Variants in PIP5K1C observed in about 807,000 individuals in gnomAD.
The protein encoded by PIP5K1C is phosphatidylinositol-4-phosphate 5-kinase type 1 gamma.
A neutral mutation model predicts 80.1 loss-of-function variants in PIP5K1C; 45 were observed. That is an observed-to-expected ratio of 0.56 (90% CI 0.44 to 0.72). The LOEUF (loss-of-function observed/expected upper bound fraction) is 0.72. Among genes scored for constraint, PIP5K1C ranks in the 30% least tolerant of loss-of-function variants. The pLI, the probability that PIP5K1C is intolerant of heterozygous loss-of-function variation, is 0.00. For synonymous variants in PIP5K1C, 498 were observed against 420.1 expected (o/e 1.19, Z -2.27); for missense variants, 753 against 954.6 (o/e 0.79, Z 2.78).
intron 1 of PIP5K1C, among the ~76,000 whole-genome samples, chr19:3,683,964 G>A (rs1213248812): frequency 7.2e-6 from 1 of 139,594 alleles, no homozygotes; most frequent in Non-Finnish European, 1.5e-5. Context: ...CCTCTCCCGG[G>A]CAGTCCCACA....
intron 15 of PIP5K1C, 91 bp from the exon 16 acceptor site, chr19:3,639,107 T>TA: frequency 6.9e-7 from 1 of 1,451,556 alleles, no homozygotes; most frequent in South Asian, 1.2e-5. Flanking sequence ...AGGGGCTTCA[T>TA]ACGGTCATCA....
intron 1 of PIP5K1C, among the ~76,000 whole-genome samples, chr19:3,679,759 G>A (rs892641726): frequency 3.3e-5 from 5 of 152,242 alleles, no homozygotes; most frequent in African/African-American, 1.2e-4. Context: ...TGGGTCAGAT[G>A]TGCTGAGCAG....
At chr19:3,655,100 T>C (rs1481033654) in intron 6 of PIP5K1C, among the ~76,000 whole-genome samples, 4 of 69,412 alleles carry the variant, frequency 5.8e-5, no homozygotes, top group East Asian at 5.0e-4. Flanking sequence ...AGAGCGAGAC[T>C]CCATCTCAAA....
chr19:3,662,045 G>A lies in PIP5K1C; in HGVS notation c.220-44C>T, dbSNP rs375825446. 8.8e-4 allele frequency: 1,359 copies of A among 1,546,308 alleles called. 2 individuals are homozygous for A. The highest frequency in any genetic ancestry group is 1.1e-3 in the Non-Finnish European group (1,306 of 1,150,272). ...GTCAGGGCCCCCGGCTGCTCCCCAC[G>A]CTGCCCTGCACCCCCTGTGTGCACC... On this transcript the variant is annotated intron_variant, in intron 3 of 17. Coordinates refer to ENST00000335312, the MANE Select transcript of PIP5K1C (RefSeq NM_012398.3).
intron 14 of PIP5K1C, among the ~76,000 whole-genome samples, chr19:3,642,476 G>A (rs2034004896): frequency 1.3e-5 from 2 of 152,200 alleles, no homozygotes; most frequent in African/African-American, 4.8e-5. Context: ...GCGTGCACGG[G>A]TGTGCCCATT....
At chr19:3,677,311 G>A (rs1263909392) in intron 1 of PIP5K1C, among the ~76,000 whole-genome samples, 2 of 151,938 alleles carry the variant, frequency 1.3e-5, no homozygotes, top group Non-Finnish European at 2.9e-5. Context: ...CAGGCTTTAC[G>A]GTGGCTCACG....
At chr19:3,650,016 C>T (rs1172563422) in intron 8 of PIP5K1C, 4 of 177,618 alleles carry the variant, frequency 2.3e-5, no homozygotes, top group South Asian at 1.0e-4. Context: ...GCCAGGCCAG[C>T]GAAGACCCTA....
intron 2 of PIP5K1C, among the ~76,000 whole-genome samples, chr19:3,665,481 G>T (rs1236894957): frequency 6.6e-6 from 1 of 152,142 alleles, no homozygotes; most frequent in Non-Finnish European, 1.5e-5. Context: ...TGAGGTGGGG[G>T]TGGGAACAGA....
rs139246042 is a variant in PIP5K1C, at chr19:3,689,022, G to A, written c.94+11275C>T. ...TCCCTGTGGATAAATCAACAACACG[G>A]GTGTCTTTAAAATTTTCTTAGGATC... On this transcript the variant is annotated intron_variant, in intron 1 of 17. Transcript: ENST00000335312. Among the ~76,000 whole-genome samples the A allele has an allele frequency of 3.9e-5, 6 of 152,182 alleles. No homozygotes were observed. The East Asian group carries it at 1.2e-3, about 30-fold the overall frequency.
At chr19:3,683,471 G>A (rs1317640592) in intron 1 of PIP5K1C, among the ~76,000 whole-genome samples, 6 of 152,214 alleles carry the variant, frequency 3.9e-5, no homozygotes, top group East Asian at 1.9e-4. Flanking sequence ...GCCCACCTTC[G>A]CCGTGTGTGT....
chr19:3,636,282 G>A lies in PIP5K1C; in HGVS notation c.1920+2602C>T, dbSNP rs1288940805. The A allele has an allele frequency of 6.2e-6, 4 of 649,254 alleles. No individual in the cohort carries two copies. In the Admixed American group the frequency reaches 2.5e-4, roughly 41 times the overall value. 40.2% of individuals were successfully genotyped at this position (649,254 alleles called of 1,614,324 possible). On this transcript the variant is annotated intron_variant, in intron 16 of 17. Coordinates refer to ENST00000335312, the MANE Select transcript of PIP5K1C (RefSeq NM_012398.3). ...GGGGAAGTGGGGGGCAGTAGCAGCT[G>A]GGACCCAGAACCGGGTGACCCCAGG...
intron 1 of PIP5K1C, 115 bp from the exon 2 acceptor site, chr19:3,667,468 G>T: frequency 8.9e-7 from 1 of 1,121,270 alleles, no homozygotes; most frequent in Admixed American, 1.7e-5. Context: ...AACTCCGCGT[G>T]GGGCTGGTCT....
At chr19:3,689,379 A>G (rs763501043) in intron 1 of PIP5K1C, among the ~76,000 whole-genome samples, 16 of 151,968 alleles carry the variant, frequency 1.1e-4, no homozygotes, top group Admixed American at 3.9e-4. Context: ...GGCCTGGCGC[A>G]GTGGCTCATG....
At chr19:3,651,267 G>A (rs1169815217) in intron 8 of PIP5K1C, among the ~76,000 whole-genome samples, 1 of 152,160 alleles carries the variant, frequency 6.6e-6, no homozygotes, top group Non-Finnish European at 1.5e-5. Context: ...TGTTGCCCAG[G>A]CTGGTACTGA....
rs537479770 is a variant in PIP5K1C, at chr19:3,692,396, C to G, written c.94+7901G>C. ...GCAGCTCGGCCATGCTGGGCCCCGG[C>G]GGCCCCCATGCTGCCCTTCCTGCAT... On this transcript the variant is annotated intron_variant, in intron 1 of 17. Coordinates refer to ENST00000335312, the MANE Select transcript of PIP5K1C (RefSeq NM_012398.3). This position sits in a 1 kb window ranked among gnomAD's most constrained non-coding sequence, Gnocchi z 5.2. Among the ~76,000 whole-genome samples the G allele has an allele frequency of 6.6e-6, 1 of 152,190 alleles. No individual in the cohort carries two copies. The highest frequency in any genetic ancestry group is 1.5e-5 in the Non-Finnish European group (1 of 68,030).
rs1548535 is a variant in PIP5K1C, at chr19:3,680,514, G to C, written c.95-13161C>G. On this transcript the variant is annotated intron_variant, in intron 1 of 17. Transcript: ENST00000335312. ...AGATGGCGTTTCACCATGTTGGCCA[G>C]GCTGGTCTCGCTCCTGACCTCAGGT... Among the ~76,000 whole-genome samples, 674 of 152,268 alleles carry C rather than the reference G, an allele frequency of 4.4e-3. 3 individuals carry two copies. The highest frequency in any genetic ancestry group is 0.015 in the African/African-American group (638 of 41,564).
In PIP5K1C at chr19:3,684,992, C is replaced by T. The variant is rs8105368; in HGVS notation, c.94+15305G>A. Among the ~76,000 whole-genome samples, 51 of 152,332 alleles carry T rather than the reference C, an allele frequency of 3.3e-4. 1 individual carries two copies. The highest frequency in any genetic ancestry group is 1.2e-3 in the African/African-American group (50 of 41,580). On this transcript the variant is annotated intron_variant, in intron 1 of 17. Coordinates refer to ENST00000335312, the MANE Select transcript of PIP5K1C (RefSeq NM_012398.3). ...AATTTGCAACTTCCATCCTTTGGTG[C>T]CGTCTGAAATACATATTTTGTCATT...
chr19:3,698,141 C>T (rs888886189), intron 1 of PIP5K1C, among the ~76,000 whole-genome samples: 2 of 152,214 alleles, frequency 1.3e-5, no homozygotes, highest in Non-Finnish European at 2.9e-5. Flanking sequence ...TAACAGTGAG[C>T]GGTGACTCCA....
intron 1 of PIP5K1C, among the ~76,000 whole-genome samples, chr19:3,671,870 G>A (rs2035216971): frequency 6.6e-6 from 1 of 152,256 alleles, no homozygotes; most frequent in South Asian, 2.1e-4. Context: ...TGCTCAGCCT[G>A]AGACGTGACT....
Sources: gnomAD v4.1 joint callset for allele counts (sites outside exome capture counted in the v4.1 genomes callset) on GRCh38, gnomAD v4.1.1 for gene constraint, Gnocchi (gnomAD v3.1) non-coding constraint, MANE v1.5 for transcripts, NCBI Gene and HGNC (gene_info 2026-07-23, HGNC 2026-07-21) for gene names.